Variants in ZNF385D observed in about 807,000 individuals in gnomAD.
ZNF385D encodes zinc finger protein 659.
Under a neutral mutation model 35.8 loss-of-function variants are expected in ZNF385D, and 15 were observed. The observed-to-expected ratio is 0.42, with a 90% CI of 0.28 to 0.64. The LOEUF is 0.64. Ranked by LOEUF, ZNF385D falls within the 30% of genes least tolerant of loss-of-function variation. The pLI is 0.23. For synonymous variants in ZNF385D, 212 were observed against 186.8 expected, an observed-to-expected ratio of 1.13 and a Z score of -1.10; for missense variants, 474 against 494.6, an observed-to-expected ratio of 0.96 and a Z score of 0.39.
chr3:21,701,478 G>C (rs2067681735), intron 1 of ZNF385D, among the ~76,000 whole-genome samples: 2 of 152,100 alleles, frequency 1.3e-5, no homozygotes, highest in South Asian at 2.1e-4. Context: ...AATTCAACTT[G>C]AGATTTGGGT....
chr3:22,040,947 C>T lies in ZNF385D; in HGVS notation c.325+127870G>A, dbSNP rs191969666. On this transcript the variant is annotated intron_variant, in intron 3 of 5. Coordinates refer to the ZNF385D transcript ENST00000494108. ...TATAATTTATATACCATACAATTTTCTCTTTTTTCTCAGTGTACAATTCAG... is the reference window on the plus strand; with the variant it reads ...TATAATTTATATACCATACAATTTTTTCTTTTTTCTCAGTGTACAATTCAG... Among the ~76,000 whole-genome samples, 504 of 152,098 alleles carry T rather than the reference C, an allele frequency of 3.3e-3. 5 individuals are homozygous for T. The highest frequency in any genetic ancestry group is 0.012 in the African/African-American group (483 of 41,506).
intron 3 of ZNF385D, among the ~76,000 whole-genome samples, chr3:21,820,271 T>C (rs1198431945): frequency 6.6e-6 from 1 of 151,560 alleles, no homozygotes; most frequent in Non-Finnish European, 1.5e-5. Context: ...TCACATTCTG[T>C]GACCACAAGG....
At chr3:21,668,314 A>G (rs2066466440) in intron 1 of ZNF385D, among the ~76,000 whole-genome samples, 1 of 152,136 alleles carries the variant, frequency 6.6e-6, no homozygotes, top group African/African-American at 2.4e-5. Flanking sequence ...CCTTGCCTCA[A>G]AGCAGGAAAA....
rs140037948 is a variant in ZNF385D, at chr3:21,487,327, A to G, written c.439+23534T>C. Among the ~76,000 whole-genome samples, 38 of 151,866 alleles carry G rather than the reference A, an allele frequency of 2.5e-4. No homozygotes were observed. In the East Asian group the frequency reaches 6.6e-3, roughly 26 times the overall value. Reference sequence around the variant, plus strand: ...TTCTAAATGCAGTTCACAATTAGTTACTTTTGCTTATTATCACATTTGTTA... The same window carrying G: ...TTCTAAATGCAGTTCACAATTAGTTGCTTTTGCTTATTATCACATTTGTTA... On this transcript the variant is annotated intron_variant, in intron 4 of 7. Transcript: ENST00000281523.
At chr3:22,272,554 A>C (rs1559491482) in intron 2 of ZNF385D, among the ~76,000 whole-genome samples, 2 of 151,974 alleles carry the variant, frequency 1.3e-5, no homozygotes, top group African/African-American at 4.8e-5. Context: ...TTATTTATGA[A>C]AGCAGCCTTG....
chr3:21,776,050 A>C (rs898752221), intron 3 of ZNF385D, among the ~76,000 whole-genome samples: 1 of 151,686 alleles, frequency 6.6e-6, no homozygotes. Context: ...TTGTATTTCA[A>C]ATTTTTTGTA....
In ZNF385D at chr3:21,647,309, T is replaced by G. The variant is rs961709855; in HGVS notation, c.165+17577A>C. Among the ~76,000 whole-genome samples the G allele has an allele frequency of 1.7e-3, 200 of 117,288 alleles. 1 individual carries two copies. Among genetic ancestry groups the G allele is most frequent in the African/African-American group, 5.9e-3 (195 of 32,816 alleles). 76.9% of individuals were successfully genotyped at this position (117,288 alleles called of 152,430 possible). A position where few individuals can be genotyped will look rare whatever the true frequency, so the allele number is the denominator to read the frequency against. Reference sequence around the variant, plus strand: ...ATATTCAAATATGGCAGCAGTGAATTAATTAATCCATCCTTCCTTCCTTCC... The same window carrying G: ...ATATTCAAATATGGCAGCAGTGAATGAATTAATCCATCCTTCCTTCCTTCC... On this transcript the variant is annotated intron_variant, in intron 2 of 7. Coordinates refer to ENST00000281523, the MANE Select transcript of ZNF385D (RefSeq NM_024697.3).
intron 3 of ZNF385D, among the ~76,000 whole-genome samples, chr3:21,798,699 G>A (rs1178157040): frequency 2.6e-5 from 4 of 152,036 alleles, no homozygotes; most frequent in Non-Finnish European, 5.9e-5. Flanking sequence ...ATAGTCACAG[G>A]TATCCCAGCC....
chr3:22,081,472 T>G (rs1030903215), intron 3 of ZNF385D, among the ~76,000 whole-genome samples: 40 of 152,198 alleles, frequency 2.6e-4, no homozygotes, highest in African/African-American at 8.2e-4. Flanking sequence ...ATGTAAAAAT[T>G]AAGATGTTGT....
chr3:22,025,286 C>T lies in ZNF385D; in HGVS notation c.325+143531G>A, dbSNP rs570916995. Among the ~76,000 whole-genome samples the T allele has an allele frequency of 7.2e-5, 11 of 152,188 alleles. No homozygotes were observed. In the South Asian group the frequency reaches 2.3e-3, roughly 32 times the overall value. ...GTGATGGCCTCCCCTGAGGCAGTTG[C>T]CAGGAAAGATAATGTTGATTCTCCT... On this transcript the variant is annotated intron_variant, in intron 3 of 5. Coordinates refer to the ZNF385D transcript ENST00000494108.
intron 2 of ZNF385D, among the ~76,000 whole-genome samples, chr3:22,339,789 C>T (rs1247945391): frequency 6.6e-6 from 1 of 152,152 alleles, no homozygotes; most frequent in East Asian, 1.9e-4. Context: ...CACTAATCAC[C>T]TCTTAAATGC....
chr3:21,732,009 G>T (rs2069020780), intron 1 of ZNF385D, among the ~76,000 whole-genome samples: 1 of 120,794 alleles, frequency 8.3e-6, no homozygotes, highest in Non-Finnish European at 1.7e-5. Context: ...CTTCTATTCA[G>T]GGTTTTTTTC....
intron 2 of ZNF385D, among the ~76,000 whole-genome samples, chr3:21,656,044 G>A (rs2066062400): frequency 6.6e-6 from 1 of 151,876 alleles, no homozygotes; most frequent in South Asian, 2.1e-4. Flanking sequence ...TTACAGGGTA[G>A]GGGGTGCTAA....
intron 3 of ZNF385D, among the ~76,000 whole-genome samples, chr3:21,529,505 A>C (rs1421892241): frequency 6.6e-6 from 1 of 152,088 alleles, no homozygotes; most frequent in Non-Finnish European, 1.5e-5. Flanking sequence ...TTAAAAATTC[A>C]CTTCTGCCTT....
chr3:22,166,265 A>T (rs1706322204), intron 3 of ZNF385D, among the ~76,000 whole-genome samples: 1 of 139,132 alleles, frequency 7.2e-6, no homozygotes, highest in Non-Finnish European at 1.7e-5. Context: ...CTTGGGGAAA[A>T]AATCTGAATA....
chr3:21,433,323 C>T (rs1464634882), intron 5 of ZNF385D, among the ~76,000 whole-genome samples: 1 of 152,204 alleles, frequency 6.6e-6, no homozygotes, highest in African/African-American at 2.4e-5. Context: ...CATTTCTATA[C>T]TTAATGCTAC....
rs189737134 is a variant in ZNF385D, at chr3:22,163,005, T to C, written c.325+5812A>G. Among the ~76,000 whole-genome samples, 19 of 152,210 alleles carry C rather than the reference T, an allele frequency of 1.2e-4. No homozygotes were observed. The East Asian group carries it at 2.7e-3, about 22-fold the overall frequency. On this transcript the variant is annotated intron_variant, in intron 3 of 5. Transcript: ENST00000494108. ...AGAGTGAGGTTAGCCTGTGATAGAA[T>C]TGAAACAGAGACATCAGCAAATCTG...
At chr3:21,996,116 T>G (rs1293940323) in intron 3 of ZNF385D, among the ~76,000 whole-genome samples, 1 of 152,112 alleles carries the variant, frequency 6.6e-6, no homozygotes, top group Non-Finnish European at 1.5e-5. Flanking sequence ...AAAATGGAGC[T>G]GTGCTATAGC....
intron 3 of ZNF385D, among the ~76,000 whole-genome samples, chr3:21,941,330 A>C (rs959427367): frequency 6.6e-6 from 1 of 152,094 alleles, no homozygotes; most frequent in Non-Finnish European, 1.5e-5. Context: ...ATCTATTTGG[A>C]AATAGAGTAG....
Sources: allele counts gnomAD v4.1 joint callset (sites outside exome capture counted in the v4.1 genomes callset), GRCh38; gene constraint gnomAD v4.1.1; transcripts MANE v1.5; gene names NCBI Gene and HGNC (gene_info 2026-07-23, HGNC 2026-07-21).